PALS2: variants seen among roughly 807,000 people sequenced by gnomAD.
The protein encoded by PALS2 is protein associated with LIN7 2, MAGUK p55 family member.
In PALS2, 27 loss-of-function variants were observed where a neutral mutation model predicts 61.6. The observed-to-expected ratio is 0.44, with a 90% CI of 0.32 to 0.60. The LOEUF is 0.60. Ranked by LOEUF, PALS2 falls within the 20% of genes least tolerant of loss-of-function variation. The pLI is 0.05. For missense variants in PALS2, 554 were observed against 639.4 expected (o/e 0.87, Z 1.44); for synonymous variants, 236 against 218.6 (o/e 1.08, Z -0.70).
At chr7:24,604,372 A>G (rs1041639327) in intron 1 of PALS2, among the ~76,000 whole-genome samples, 4 of 152,186 alleles carry the variant, frequency 2.6e-5, no homozygotes, top group East Asian at 1.9e-4. Context: ...TGAAAATTTC[A>G]TTGGATAGGC....
At chr7:24,671,684 T>TTA (rs1267589239) in intron 9 of PALS2, among the ~76,000 whole-genome samples, 1 of 152,160 alleles carries the variant, frequency 6.6e-6, no homozygotes, top group Non-Finnish European at 1.5e-5. Context: ...TACATGCAGA[T>TTA]TATATGATCA....
Position 24,578,159 on chromosome 7 carries a change from C to T in PALS2, c.-3+4566C>T, listed in dbSNP as rs138946532. On this transcript the variant is annotated intron_variant, in intron 1 of 11. Coordinates refer to ENST00000222644, the MANE Select transcript of PALS2 (RefSeq NM_001303037.2). ...ATGGAGTCTTGCTGTGTGTGTTGCC[C>T]AGGCTGCTCTCAAACTCCTGATCTC... Among the ~76,000 whole-genome samples, 353 of 152,202 alleles carry T rather than the reference C, an allele frequency of 2.3e-3. 1 individual carries two copies. The highest frequency in any genetic ancestry group is 8.3e-3 in the African/African-American group (344 of 41,520).
intron 1 of PALS2, among the ~76,000 whole-genome samples, chr7:24,606,091 A>T (rs1267805428): frequency 1.3e-5 from 2 of 152,152 alleles, no homozygotes; most frequent in Non-Finnish European, 2.9e-5. Flanking sequence ...GTAGTAAGCC[A>T]TTTCAGTATG....
chr7:24,624,670 G>A (rs536643626), intron 2 of PALS2, among the ~76,000 whole-genome samples: 6 of 137,672 alleles, frequency 4.4e-5, no homozygotes, highest in East Asian at 2.4e-4. Context: ...GCACTGGCAC[G>A]ATCTCAGCTC....
At chr7:24,662,475 A>G (rs1394779688) in intron 5 of PALS2, among the ~76,000 whole-genome samples, 1 of 152,218 alleles carries the variant, frequency 6.6e-6, no homozygotes, top group African/African-American at 2.4e-5. Context: ...GTCTGTTTTA[A>G]GAAAGCAGTT....
intron 5 of PALS2, among the ~76,000 whole-genome samples, chr7:24,658,222 G>A (rs1441334133): frequency 6.6e-6 from 1 of 152,094 alleles, no homozygotes; most frequent in Admixed American, 6.5e-5. Context: ...CACCTAGTGG[G>A]TATTTTTCAT....
At chr7:24,658,812 C>T (rs1225677242) in intron 5 of PALS2, among the ~76,000 whole-genome samples, 1 of 152,104 alleles carries the variant, frequency 6.6e-6, no homozygotes, top group African/African-American at 2.4e-5. Flanking sequence ...GCGTCAGCCT[C>T]CCAAAGTGCT....
intron 1 of PALS2, among the ~76,000 whole-genome samples, chr7:24,583,070 T>C (rs573755102): frequency 9.9e-5 from 15 of 151,940 alleles, no homozygotes; most frequent in African/African-American, 2.7e-4. Context: ...AATTTTTGTA[T>C]TTTTAGTAGA....
intron 5 of PALS2, among the ~76,000 whole-genome samples, chr7:24,654,409 A>G (rs1023847182): frequency 2.2e-4 from 33 of 152,342 alleles, no homozygotes; most frequent in Admixed American, 1.0e-3. Context: ...TATTAGAAAT[A>G]ATAGAGTTTA....
chr7:24,659,318 A>C (rs1194847178), intron 5 of PALS2, among the ~76,000 whole-genome samples: 1 of 152,166 alleles, frequency 6.6e-6, no homozygotes, highest in Admixed American at 6.5e-5. Flanking sequence ...ATATGTGTAC[A>C]TGTGTCTTTA....
chr7:24,573,590 G>A lies in PALS2; in HGVS notation c.-6G>A, dbSNP rs988092552. The A allele has an allele frequency of 3.2e-5, 12 of 375,008 alleles. No individual in the cohort carries two copies. The highest frequency in any genetic ancestry group is 2.1e-4 in the African/African-American group (10 of 47,196). 23.2% of individuals were successfully genotyped at this position (375,008 alleles called of 1,614,324 possible). ...CGGCGCGGAGGCGGCTGAGGTGCGA[G>A]CCGGTGAGTTAACTGGACCCCCACG... On this transcript the variant is annotated 5_prime_UTR_variant, in exon 1 of 12. Coordinates refer to ENST00000222644, the MANE Select transcript of PALS2 (RefSeq NM_001303037.2). The surrounding 1 kb of genome is among the most constrained non-coding windows in gnomAD (Gnocchi z 5.3).
intron 5 of PALS2, among the ~76,000 whole-genome samples, chr7:24,658,440 A>T (rs1786536400): frequency 6.6e-6 from 1 of 152,002 alleles, no homozygotes; most frequent in Non-Finnish European, 1.5e-5. Context: ...TCCTTGTTAT[A>T]GGTTATTTCC....
chr7:24,676,412 G>A (rs1391543241), intron 9 of PALS2, among the ~76,000 whole-genome samples: 1 of 151,848 alleles, frequency 6.6e-6, no homozygotes, highest in Admixed American at 6.5e-5. Context: ...GTCTTTTGTT[G>A]CCATTGCTTT....
intron 1 of PALS2, among the ~76,000 whole-genome samples, chr7:24,617,859 A>G (rs983809480): frequency 6.6e-6 from 1 of 151,980 alleles, no homozygotes; most frequent in African/African-American, 2.4e-5. Flanking sequence ...TGGCTTGGAG[A>G]CACAATGCCT....
chr7:24,640,790 C>T (rs1293399993), intron 2 of PALS2, among the ~76,000 whole-genome samples: 10 of 151,886 alleles, frequency 6.6e-5, no homozygotes, highest in East Asian at 3.9e-4. Context: ...GGGTGGATCA[C>T]GAGGTCAGGA....
intron 9 of PALS2, among the ~76,000 whole-genome samples, chr7:24,672,770 C>G (rs1339301344): frequency 1.3e-5 from 2 of 151,978 alleles, no homozygotes; most frequent in Non-Finnish European, 2.9e-5. Flanking sequence ...CCTTATTGAC[C>G]TCATTGATTC....
chr7:24,657,265 T>C (rs1372073224), intron 5 of PALS2, among the ~76,000 whole-genome samples: 1 of 152,216 alleles, frequency 6.6e-6, no homozygotes, highest in African/African-American at 2.4e-5. Flanking sequence ...TAGGTATATG[T>C]TGTACTTTTG....
intron 1 of PALS2, among the ~76,000 whole-genome samples, chr7:24,574,909 A>G (rs1261379404): frequency 1.3e-5 from 2 of 152,170 alleles, no homozygotes; most frequent in Non-Finnish European, 2.9e-5. Context: ...TGCTTATTGT[A>G]GGCATCTACT....
At chr7:24,607,555 ATGTGTATATATACATATATG>A (rs1472855342) in intron 1 of PALS2, among the ~76,000 whole-genome samples, 6 of 149,880 alleles carry the variant, frequency 4.0e-5, no homozygotes, top group South Asian at 2.1e-4. Flanking sequence ...GTATATATGT[ATGTGTATATATACATATATG>A]TGTGTATATA....
Sources: gnomAD v4.1 joint callset for allele counts (sites outside exome capture counted in the v4.1 genomes callset) on GRCh38, gnomAD v4.1.1 for gene constraint, Gnocchi (gnomAD v3.1) non-coding constraint, MANE v1.5 for transcripts, NCBI Gene and HGNC (gene_info 2026-07-23, HGNC 2026-07-21) for gene names.